Variants in PDK1 observed in about 807,000 individuals in gnomAD.
PDK1 encodes the protein pyruvate dehydrogenase kinase 1, also known as [Pyruvate dehydrogenase (acetyl-transferring)] kinase isozyme 1, mitochondrial.
In PDK1, 39 loss-of-function variants were observed where a neutral mutation model predicts 54.2. The ratio of observed to expected loss-of-function variants is 0.72; its 90% CI spans 0.56 to 0.94. The LOEUF (loss-of-function observed/expected upper bound fraction) is 0.94, where lower values mean the gene tolerates loss of function less well. Among genes scored for constraint, PDK1 ranks in the 40% least tolerant of loss-of-function variants. The probability of loss-of-function intolerance (pLI) is 0.00; values close to 1 mark genes in which losing one functional copy is unlikely to be tolerated. For synonymous variants in PDK1, 221 were observed against 207.1 expected (o/e 1.07, Z -0.58); for missense variants, 552 against 566.0 (o/e 0.98, Z 0.25).
chr2:172,638,358 G>A, the PDK1 span, among the ~76,000 whole-genome samples: 1 of 152,212 alleles, frequency 6.6e-6, no homozygotes, highest in Non-Finnish European at 1.5e-5. Flanking sequence ...TCTTCTTGCT[G>A]ACATACATTT....
intron 9 of PDK1, among the ~76,000 whole-genome samples, chr2:172,587,885 C>G (rs1032458924): frequency 9.2e-5 from 14 of 152,250 alleles, no homozygotes; most frequent in African/African-American, 3.4e-4. Context: ...AGTCCCCACC[C>G]GATTAGCTAG....
Position 172,602,560 on chromosome 2 carries a change from T to C in PDK1, c.*6591T>C, listed in dbSNP as rs957455997. On this transcript the variant is annotated 3_prime_UTR_variant, in exon 11 of 11. Coordinates refer to ENST00000282077, the MANE Select transcript of PDK1 (RefSeq NM_002610.5). Reference sequence around the variant, plus strand: ...GATCCATGGGCCTGCCATGGAAAATTTGTTGAGTAATACGTCCAAGGCGTC... The same window carrying C: ...GATCCATGGGCCTGCCATGGAAAATCTGTTGAGTAATACGTCCAAGGCGTC... 6.6e-6 allele frequency: 1 copy of C among 152,102 alleles called. No homozygotes were observed. The highest frequency in any genetic ancestry group is 2.4e-5 in the African/African-American group (1 of 41,424). The allele number at this position is 152,102 out of a possible 1,614,324, so 9.4% of individuals were successfully genotyped here.
intron 2 of PDK1, 44 bp downstream of exon 2, chr2:172,558,893 CT>C: frequency 6.4e-7 from 1 of 1,564,726 alleles, no homozygotes; most frequent in Non-Finnish European, 8.7e-7. Context: ...GAGTTGTGGA[CT>C]TTATTCAAGG....
chr2:172,635,696 C>G, the PDK1 span, among the ~76,000 whole-genome samples: 2 of 152,190 alleles, frequency 1.3e-5, no homozygotes, highest in African/African-American at 2.4e-5. Flanking sequence ...CTGCTGCCCC[C>G]CTCCACCCCG....
chr2:172,657,145 T>G, the PDK1 span, among the ~76,000 whole-genome samples: 5 of 152,150 alleles, frequency 3.3e-5, no homozygotes, highest in Admixed American at 6.6e-5. Context: ...ACCTCAATTC[T>G]CTGATGGATC....
At chr2:172,556,903 G>T (rs1688365424) in intron 1 of PDK1, among the ~76,000 whole-genome samples, 1 of 152,224 alleles carries the variant, frequency 6.6e-6, no homozygotes, top group Admixed American at 6.5e-5. Context: ...TTGAGTGCAT[G>T]AGGACAAGAT....
At chr2:172,666,333 A>T in the PDK1 span, among the ~76,000 whole-genome samples, 8,381 of 152,300 alleles carry the variant, frequency 0.055, 966 homozygotes, top group East Asian at 0.53. Flanking sequence ...GTCTATACAG[A>T]TGTTGGAAAT....
the PDK1 span, among the ~76,000 whole-genome samples, chr2:172,616,185 C>T: frequency 6.6e-6 from 1 of 151,876 alleles, no homozygotes; most frequent in African/African-American, 2.4e-5. Flanking sequence ...CTTTCAAAAC[C>T]AATTTAGCAG....
chr2:172,666,551 G>C, the PDK1 span, among the ~76,000 whole-genome samples: 1 of 152,188 alleles, frequency 6.6e-6, no homozygotes, highest in Non-Finnish European at 1.5e-5. Flanking sequence ...GGACCACACA[G>C]TCTAAGCTAA....
At chr2:172,684,309 C>A in the PDK1 span, among the ~76,000 whole-genome samples, 1 of 152,112 alleles carries the variant, frequency 6.6e-6, no homozygotes, top group Non-Finnish European at 1.5e-5. Flanking sequence ...ATGGTCCCAA[C>A]TACTTAGGGC....
the PDK1 span, among the ~76,000 whole-genome samples, chr2:172,646,710 CAG>C: frequency 7.3e-6 from 1 of 137,644 alleles, no homozygotes; most frequent in South Asian, 2.3e-4. Context: ...TGCTTCAAGT[CAG>C]AGAGACCCAA....
chr2:172,713,452 A>G, the PDK1 span, among the ~76,000 whole-genome samples: 1 of 152,166 alleles, frequency 6.6e-6, no homozygotes, highest in Non-Finnish European at 1.5e-5. Flanking sequence ...GGATGCCTCC[A>G]GGCCCGTGCC....
At chr2:172,708,851 G>A in the PDK1 span, among the ~76,000 whole-genome samples, 3 of 152,148 alleles carry the variant, frequency 2.0e-5, no homozygotes, top group African/African-American at 7.2e-5. Context: ...GTTTTGACTG[G>A]GACCCATCGC....
At chr2:172,693,395 G>T in the PDK1 span, among the ~76,000 whole-genome samples, 7 of 152,194 alleles carry the variant, frequency 4.6e-5, no homozygotes, top group African/African-American at 1.7e-4. Flanking sequence ...TTTACTGGGG[G>T]GTGACCCTGG....
the PDK1 span, among the ~76,000 whole-genome samples, chr2:172,712,554 G>A: frequency 8.4e-3 from 1,281 of 152,300 alleles, 8 homozygotes; most frequent in Non-Finnish European, 0.01. Context: ...TCCAGGTGCC[G>A]GCATGAGTGC....
the PDK1 span, among the ~76,000 whole-genome samples, chr2:172,620,276 TATC>T: frequency 1.3e-5 from 2 of 152,176 alleles, no homozygotes; most frequent in African/African-American, 2.4e-5. Flanking sequence ...TCTCCTAAAA[TATC>T]ATGAATAAGA....
the PDK1 span, among the ~76,000 whole-genome samples, chr2:172,622,949 TTAGA>T: frequency 1.0e-3 from 151 of 149,588 alleles, 1 homozygote; most frequent in East Asian, 4.8e-3. Flanking sequence ...TTATAAATAT[TTAGA>T]TAGATAGATA....
the PDK1 span, among the ~76,000 whole-genome samples, chr2:172,718,462 C>T: frequency 5.8e-4 from 89 of 152,244 alleles, no homozygotes; most frequent in African/African-American, 2.0e-3. Context: ...AGATGTGGCT[C>T]ACAAAAATTG....
the PDK1 span, among the ~76,000 whole-genome samples, chr2:172,685,318 G>A: frequency 1.3e-5 from 2 of 152,188 alleles, no homozygotes; most frequent in African/African-American, 2.4e-5. Flanking sequence ...GGCAGTGGGA[G>A]CTTTTAAAAT....
Sources: gnomAD v4.1 joint callset for allele counts (sites outside exome capture counted in the v4.1 genomes callset) on GRCh38, gnomAD v4.1.1 for gene constraint, MANE v1.5 for transcripts, NCBI Gene and HGNC (gene_info 2026-07-23, HGNC 2026-07-21) for gene names.